PNISR: variants seen among roughly 807,000 people sequenced by gnomAD.
The protein encoded by PNISR is arginine/serine-rich protein PNISR.
In PNISR, 20 loss-of-function variants were observed where a neutral mutation model predicts 93.4. The ratio of observed to expected loss-of-function variants is 0.21; its 90% CI spans 0.15 to 0.31. The LOEUF is 0.31. PNISR is among the 10% of genes least tolerant of loss of function. The pLI, the probability that PNISR is intolerant of heterozygous loss-of-function variation, is 1.00. For synonymous variants in PNISR, 305 were observed against 306.5 expected (o/e 0.99, Z 0.05); for missense variants, 893 against 985.4 (o/e 0.91, Z 1.25).
intron 1 of PNISR, among the ~76,000 whole-genome samples, chr6:99,417,104 C>T (rs1777800375): frequency 6.6e-6 from 1 of 152,158 alleles, no homozygotes; most frequent in South Asian, 2.1e-4. Flanking sequence ...AACAGCTTAT[C>T]AGAGTTCAAT....
intron 7 of PNISR, 80 bp downstream of exon 7, chr6:99,408,001 A>G: frequency 2.0e-6 from 2 of 1,009,240 alleles, no homozygotes; most frequent in Non-Finnish European, 1.5e-6. Flanking sequence ...ACTTTCCTAT[A>G]GGCTAAAATA....
chr6:99,399,152 T>C lies in PNISR; in HGVS notation c.*1388A>G, dbSNP rs1775177049. 1 of 152,122 alleles carries C rather than the reference T, an allele frequency of 6.6e-6. No homozygotes were observed. The highest frequency in any genetic ancestry group is 2.4e-5 in the African/African-American group (1 of 41,450). The allele number at this position is 152,122 out of a possible 1,614,324, so 9.4% of individuals were successfully genotyped here. A position where few individuals can be genotyped will look rare whatever the true frequency, so the allele number is the denominator to read the frequency against. On this transcript the variant is annotated 3_prime_UTR_variant, in exon 12 of 12. Coordinates refer to ENST00000369239, the MANE Select transcript of PNISR (RefSeq NM_032870.4). ...TGGTAAGAAGGCATACTTTAAAACT[T>C]TTCTGTGGCCTGCACCTGTTTTCTT...
rs1011477727 is a variant in PNISR, at chr6:99,398,185, A to G, written c.*2355T>C. 6.6e-6 allele frequency: 1 copy of G among 152,142 alleles called. No individual in the cohort carries two copies. Among genetic ancestry groups the G allele is most frequent in the African/African-American group, 2.4e-5 (1 of 41,454 alleles). 9.4% of individuals were successfully genotyped at this position (152,142 alleles called of 1,614,324 possible). ...CAAAAACAATTATGACTAATACACT[A>G]GAAATATTTTTTAATAGAACCTCTT... is the stretch of plus-strand genomic sequence containing the variant. On this transcript the variant is annotated 3_prime_UTR_variant, in exon 12 of 12. Coordinates refer to ENST00000369239, the MANE Select transcript of PNISR (RefSeq NM_032870.4).
chr6:99,420,518 A>C (rs1778415622), intron 1 of PNISR, among the ~76,000 whole-genome samples: 1 of 152,228 alleles, frequency 6.6e-6, no homozygotes, highest in East Asian at 1.9e-4. Context: ...ATTTAGGAAC[A>C]CTACTCTTTC....
At position 99,398,590 on chromosome 6, in the gene PNISR, C is replaced by CT. The variant is rs1272501965; in HGVS notation, c.*1949dup. 6.6e-6 allele frequency: 1 copy of CT among 152,020 alleles called. No individual in the cohort carries two copies. Among genetic ancestry groups the CT allele is most frequent in the African/African-American group, 2.4e-5 (1 of 41,402 alleles). The allele number at this position is 152,020 out of a possible 1,614,324, so 9.4% of individuals were successfully genotyped here. A position where few individuals can be genotyped will look rare whatever the true frequency, so the allele number is the denominator to read the frequency against. On this transcript the variant is annotated 3_prime_UTR_variant, in exon 12 of 12. Transcript: ENST00000369239. ...GCAAATTACGGCAGAGTAAATAAAA[C>CT]TGTCAAATACTACTTTTGGCTCTAG...
intron 9 of PNISR, 106 bp from the exon 10 acceptor site, chr6:99,403,988 G>GAAAA (rs1775834173): frequency 1.4e-6 from 1 of 714,760 alleles, no homozygotes; most frequent in Non-Finnish European, 2.4e-6. Context: ...GCTGCTTTTT[G>GAAAA]GGGAGAGAAG....
chr6:99,400,788 T>A lies in PNISR; in HGVS notation c.2170A>T (p.Ser724Cys). The change falls in exon 12 of 12, where the codon AGT becomes TGT. Residue 724 changes from serine (S) to cysteine (C), a missense_variant. Physicochemically the swap from Ser to Cys is moderately radical, Grantham distance 112. Coordinates refer to ENST00000369239, the MANE Select transcript of PNISR (RefSeq NM_032870.4). ...ATGATTTTAACAGATATAGAACCACTCCTAGAAAATGTTCTTTCACTTTCT... is the reference window on the plus strand; with the variant it reads ...ATGATTTTAACAGATATAGAACCACACCTAGAAAATGTTCTTTCACTTTCT... ...KRESERTFSR[S>C]GSISVKIIRH... is the part of the protein sequence containing the mutation. 6.2e-7 allele frequency: 1 copy of A among 1,612,018 alleles called. No homozygotes were observed. The highest frequency in any genetic ancestry group is 8.5e-7 in the Non-Finnish European group (1 of 1,178,524).
At chr6:99,414,285 A>C (rs1777379810) in intron 3 of PNISR, among the ~76,000 whole-genome samples, 1 of 152,226 alleles carries the variant, frequency 6.6e-6, no homozygotes. Flanking sequence ...TGTTCTCCAT[A>C]AGCAACATAT....
At position 99,399,671 on chromosome 6, in the gene PNISR, G is replaced by C. The variant is rs1378756037; in HGVS notation, c.*869C>G. The stretch of plus-strand genomic sequence containing the variant: ...GAGTGAACCACACGTTATACACACA[G>C]AGAATATATTACTTGAAAATCCCCA... On this transcript the variant is annotated 3_prime_UTR_variant, in exon 12 of 12. Transcript: ENST00000369239. 3 of 152,058 alleles carry C rather than the reference G, an allele frequency of 2.0e-5. No homozygotes were observed. The highest frequency in any genetic ancestry group is 4.4e-5 in the Non-Finnish European group (3 of 67,986). The allele number at this position is 152,058 out of a possible 1,614,324, so 9.4% of individuals were successfully genotyped here.
At chr6:99,408,933 A>C (rs1481665163) in intron 6 of PNISR, among the ~76,000 whole-genome samples, 1 of 152,236 alleles carries the variant, frequency 6.6e-6, no homozygotes, top group Non-Finnish European at 1.5e-5. Context: ...GGCTAGCATA[A>C]ATTTTCACTT....
At position 99,412,743 on chromosome 6, in the gene PNISR, A is replaced by C. The variant is rs1375662269; in HGVS notation, c.89-4T>G. The stretch of plus-strand genomic sequence containing the variant: ...AATGCAGCCCAATCAATCTGGCCTA[A>C]CGTAAATTAACACTGACTTCAGCAT... On this transcript the variant is annotated splice_region_variant and splice_polypyrimidine_tract_variant and intron_variant, in intron 3 of 11. Transcript: ENST00000369239. 3 of 1,548,006 alleles carry C rather than the reference A, an allele frequency of 1.9e-6. No individual in the cohort carries two copies. Among genetic ancestry groups the C allele is most frequent in the Non-Finnish European group, 2.6e-6 (3 of 1,151,104 alleles).
At chr6:99,403,586 A>C in intron 10 of PNISR, 1 of 298,740 alleles carries the variant, frequency 3.3e-6, no homozygotes, top group Non-Finnish European at 6.2e-6. Context: ...AGCAATAAGG[A>C]AATCTTCCAA....
intron 2 of PNISR, chr6:99,414,939 A>C (rs1397132392): frequency 9.3e-6 from 2 of 215,950 alleles, no homozygotes; most frequent in East Asian, 9.9e-5. Context: ...TTTAAAAAAA[A>C]CTCTATTTTT....
At chr6:99,412,228 A>G in intron 4 of PNISR, 1 of 505,486 alleles carries the variant, frequency 2.0e-6, no homozygotes, top group Non-Finnish European at 3.8e-6. Context: ...GCTGCTTCTG[A>G]AAAGGCCAGA....
chr6:99,424,998 G>A, intron 1 of PNISR: 1 of 375,904 alleles, frequency 2.7e-6, no homozygotes, highest in Non-Finnish European at 4.7e-6. Flanking sequence ...ATGGGACCGT[G>A]AGCACTCTCT....
chr6:99,405,301 C>A (rs1408602427), intron 8 of PNISR, among the ~76,000 whole-genome samples: 3 of 151,750 alleles, frequency 2.0e-5, no homozygotes, highest in Non-Finnish European at 4.4e-5. Context: ...CTTGTCTCTA[C>A]TGAAAAAATA....
At position 99,399,453 on chromosome 6, in the gene PNISR, TATAA is replaced by T. The variant is rs1775207863; in HGVS notation, c.*1083_*1086del. 3 of 152,116 alleles carry T rather than the reference TATAA, an allele frequency of 2.0e-5. No individual in the cohort carries two copies. The highest frequency in any genetic ancestry group is 1.5e-5 in the Non-Finnish European group (1 of 67,978). 9.4% of individuals were successfully genotyped at this position (152,116 alleles called of 1,614,324 possible). On this transcript the variant is annotated 3_prime_UTR_variant, in exon 12 of 12. Coordinates refer to ENST00000369239, the MANE Select transcript of PNISR (RefSeq NM_032870.4). The stretch of plus-strand genomic sequence containing the variant: ...TTGAGGTCATATTATACTTTAAAAA[TATAA>T]ATAAATATATTGAATCATGAGTCTT...
chr6:99,406,050 T>C lies in PNISR; in HGVS notation c.983A>G (p.Glu328Gly), dbSNP rs766561422. 6.2e-7 allele frequency: 1 copy of C among 1,609,766 alleles called. No individual in the cohort carries two copies. ...EEHSDPEMTE[E>G]EKEYQMMLLT... The stretch of plus-strand genomic sequence containing the variant: ...TTCTACCATTTGATACTCTTTCTCC[T>C]CTTCAGTCATCTCAGGGTCACTGTG... The change falls in exon 8 of 12, where the codon GAG (glutamate) becomes GGG (glycine). Residue 328 changes from glutamate to glycine, a missense_variant. Glu to Gly is a moderately conservative substitution (Grantham distance 98). Transcript: ENST00000369239.
At chr6:99,413,699 A>T (rs891239120) in intron 3 of PNISR, among the ~76,000 whole-genome samples, 2 of 152,212 alleles carry the variant, frequency 1.3e-5, no homozygotes, top group Non-Finnish European at 2.9e-5. Flanking sequence ...CCACCCAAAA[A>T]TGCATTAAGA....
Sources: allele counts gnomAD v4.1 joint callset (sites outside exome capture counted in the v4.1 genomes callset), GRCh38; gene constraint gnomAD v4.1.1; transcripts MANE v1.5; gene names NCBI Gene and HGNC (gene_info 2026-07-23, HGNC 2026-07-21).